Variants in AKAP19 observed in about 807,000 individuals in gnomAD.
AKAP19 encodes A-kinase anchoring protein 19, also known as small A-kinase anchoring protein.
the AKAP19 span, among the ~76,000 whole-genome samples, chr2:190,167,209 A>G: frequency 2.6e-5 from 4 of 152,220 alleles, no homozygotes; most frequent in Admixed American, 2.6e-4. Context: ...CACGTCTCAC[A>G]TTGTGGCAGA....
the AKAP19 span, among the ~76,000 whole-genome samples, chr2:189,964,111 A>G: frequency 9.2e-5 from 14 of 152,184 alleles, no homozygotes; most frequent in Admixed American, 5.2e-4. Context: ...TTCTTAATCC[A>G]TGGGCTACAG....
the AKAP19 span, among the ~76,000 whole-genome samples, chr2:189,916,977 T>C: frequency 1.3e-5 from 2 of 152,184 alleles, no homozygotes; most frequent in East Asian, 1.9e-4. Context: ...TTGTATGAGC[T>C]TTTAATTTTT....
the AKAP19 span, among the ~76,000 whole-genome samples, chr2:190,077,455 G>GTTAACATGTTAACATGTTAAAATGT: frequency 7.9e-5 from 12 of 151,674 alleles, 1 homozygote; most frequent in East Asian, 1.7e-3. Context: ...ATGTTAACAT[G>GTTAACATGTTAACATGTTAAAATGT]TTAACATGTT....
At chr2:190,019,674 G>A in the AKAP19 span, among the ~76,000 whole-genome samples, 1 of 151,932 alleles carries the variant, frequency 6.6e-6, no homozygotes. Context: ...TAAGACTCCA[G>A]TGGGCTTCCT....
At chr2:190,004,489 C>T in the AKAP19 span, among the ~76,000 whole-genome samples, 1 of 109,782 alleles carries the variant, frequency 9.1e-6, no homozygotes, top group Non-Finnish European at 2.2e-5. Flanking sequence ...TATTATTATT[C>T]TCCAGCAGAT....
the AKAP19 span, among the ~76,000 whole-genome samples, chr2:189,951,722 C>T: frequency 3.9e-5 from 6 of 152,252 alleles, no homozygotes; most frequent in East Asian, 7.7e-4. Context: ...AGCTCATCTT[C>T]GTTTTAGAAT....
the AKAP19 span, chr2:190,062,335 G>A: frequency 1.3e-5 from 21 of 1,613,202 alleles, no homozygotes; most frequent in East Asian, 4.5e-5. Context: ...ATCAGTTCCC[G>A]GAGTGGAGGA....
chr2:189,982,581 G>A, the AKAP19 span, among the ~76,000 whole-genome samples: 4 of 151,982 alleles, frequency 2.6e-5, no homozygotes, highest in Non-Finnish European at 5.9e-5. Flanking sequence ...TGTACTGCCA[G>A]AGTTCTTGTG....
At chr2:189,923,236 C>T in the AKAP19 span, 14 of 1,216,062 alleles carry the variant, frequency 1.2e-5, no homozygotes, top group Non-Finnish European at 1.6e-5. Flanking sequence ...CAGCAGTCGG[C>T]TTCTCTACGC....
At chr2:190,034,856 CAAAAAAAAAA>C in the AKAP19 span, among the ~76,000 whole-genome samples, 1 of 68,640 alleles carries the variant, frequency 1.5e-5, no homozygotes, top group Admixed American at 2.0e-4. Context: ...CCTGTCTCAC[CAAAAAAAAAA>C]AAAAAAAAAA....
chr2:189,984,666 G>A, the AKAP19 span, among the ~76,000 whole-genome samples: 1 of 151,320 alleles, frequency 6.6e-6, no homozygotes, highest in Non-Finnish European at 1.5e-5. Context: ...AGTGATAAGT[G>A]TCCATGAAAT....
At chr2:190,092,404 T>C in the AKAP19 span, among the ~76,000 whole-genome samples, 2 of 152,048 alleles carry the variant, frequency 1.3e-5, no homozygotes. Flanking sequence ...TTATGTTCTA[T>C]AAGTCCTGGG....
the AKAP19 span, among the ~76,000 whole-genome samples, chr2:190,127,736 C>T: frequency 1.3e-5 from 2 of 152,084 alleles, no homozygotes; most frequent in African/African-American, 4.8e-5. Context: ...ATATCAACAT[C>T]ATTTTTGTTT....
chr2:189,916,345 T>G, the AKAP19 span, among the ~76,000 whole-genome samples: 1 of 104,774 alleles, frequency 9.5e-6, no homozygotes, highest in African/African-American at 3.3e-5. Flanking sequence ...TTTTTTTTTT[T>G]GGAGACAGAG....
At chr2:190,029,855 G>A in the AKAP19 span, among the ~76,000 whole-genome samples, 16 of 152,130 alleles carry the variant, frequency 1.1e-4, no homozygotes, top group Non-Finnish European at 2.1e-4. Context: ...CAGACTGAGC[G>A]AGAGAATATA....
chr2:189,909,909 A>C, the AKAP19 span, among the ~76,000 whole-genome samples: 5 of 152,006 alleles, frequency 3.3e-5, no homozygotes, highest in African/African-American at 9.7e-5. Context: ...GATAGTGATA[A>C]TTATGTATCA....
the AKAP19 span, among the ~76,000 whole-genome samples, chr2:189,922,777 T>C: frequency 6.6e-6 from 1 of 152,212 alleles, no homozygotes; most frequent in Non-Finnish European, 1.5e-5. Flanking sequence ...GCCCTAACCA[T>C]ATTTTTAAAG....
chr2:189,910,203 A>G, the AKAP19 span, among the ~76,000 whole-genome samples: 7 of 152,114 alleles, frequency 4.6e-5, no homozygotes, highest in Non-Finnish European at 1.0e-4. Flanking sequence ...ATTAAAAGCC[A>G]TATTTGCATA....
chr2:189,982,940 T>C, the AKAP19 span, among the ~76,000 whole-genome samples: 2 of 152,134 alleles, frequency 1.3e-5, no homozygotes, highest in African/African-American at 4.8e-5. Context: ...GCGCCTCTGA[T>C]AGCAGGTTTT....
Sources: allele counts gnomAD v4.1 joint callset (sites outside exome capture counted in the v4.1 genomes callset), GRCh38; gene constraint gnomAD v4.1.1; transcripts MANE v1.5; gene names NCBI Gene and HGNC (gene_info 2026-07-23, HGNC 2026-07-21).